Variants in ZNF560 observed in about 807,000 individuals in gnomAD.
The protein encoded by ZNF560 is zinc finger protein 560.
In ZNF560, 54 loss-of-function variants were observed where a neutral mutation model predicts 81.8. That is an observed-to-expected ratio of 0.66 (90% CI 0.53 to 0.83). The LOEUF (loss-of-function observed/expected upper bound fraction) is 0.83. Among genes scored for constraint, ZNF560 ranks in the 40% least tolerant of loss-of-function variants. The pLI is 0.00. For missense variants in ZNF560, 940 were observed against 932.4 expected, an observed-to-expected ratio of 1.01 and a Z score of -0.11; for synonymous variants, 321 against 317.9, an observed-to-expected ratio of 1.01 and a Z score of -0.10.
intron 2 of ZNF560, among the ~76,000 whole-genome samples, chr19:9,492,344 G>A (rs535692579): frequency 1.6e-4 from 24 of 152,140 alleles, no homozygotes; most frequent in Non-Finnish European, 2.8e-4. Context: ...ATAGACTCGT[G>A]TTCTGGATAT....
At chr19:9,479,179 A>T (rs2073247714) in intron 2 of ZNF560, among the ~76,000 whole-genome samples, 1 of 150,126 alleles carries the variant, frequency 6.7e-6, no homozygotes, top group African/African-American at 2.5e-5. Flanking sequence ...TTTTTTTCCA[A>T]AATGGAAAAA....
At position 9,467,956 on chromosome 19, in the gene ZNF560, G is replaced by T. The variant is rs374452540; in HGVS notation, c.991C>A (p.His331Asn). 4.3e-6 allele frequency: 7 copies of T among 1,613,980 alleles called. No individual in the cohort carries two copies. The African/African-American group carries it at 9.3e-5, about 22-fold the overall frequency. Residue 331 changes from histidine to asparagine, a missense_variant, in exon 10 of 10, where the codon CAC (histidine) becomes AAC (asparagine). Physicochemically the swap from His to Asn is moderately conservative, Grantham distance 68. Transcript: ENST00000301480. ...ACATTTACAGCATGGCTTGTGGAGT[G>T]AGTAAATGCTTCCCCACATTGCTTC... ...EWKQCGEAFTHSTSHAVNVET... is the reference protein window; with the variant it reads ...EWKQCGEAFTNSTSHAVNVET...
Position 9,470,523 on chromosome 19 carries a change from A to G in ZNF560, c.322-5T>C, listed in dbSNP as rs1484312322. On this transcript the variant is annotated splice_polypyrimidine_tract_variant and splice_region_variant and intron_variant, in intron 6 of 9. Transcript: ENST00000301480. Reference sequence around the variant, plus strand: ...ACTGTCAAAGGTTACCAGGTCCTAAACCATCAGACACATGCTGATTTGAGC... The same window carrying G: ...ACTGTCAAAGGTTACCAGGTCCTAAGCCATCAGACACATGCTGATTTGAGC... 1.2e-6 allele frequency: 2 copies of G among 1,614,148 alleles called. No individual in the cohort carries two copies. Among genetic ancestry groups the G allele is most frequent in the East Asian group, 4.5e-5 (2 of 44,872 alleles).
At chr19:9,461,293 G>T in the ZNF560 span, among the ~76,000 whole-genome samples, 9 of 152,152 alleles carry the variant, frequency 5.9e-5, no homozygotes, top group Non-Finnish European at 1.3e-4. Context: ...AAGGTAGATT[G>T]TCCTCTTGTG....
chr19:9,491,699 G>A (rs572958823), intron 2 of ZNF560, among the ~76,000 whole-genome samples: 128 of 151,280 alleles, frequency 8.5e-4, no homozygotes, highest in Non-Finnish European at 1.5e-3. Flanking sequence ...GGTGGCACGC[G>A]TCTGTAGTCC....
rs557303669 is a variant in ZNF560 at position 9,496,504 on chromosome 19, G to A, written c.-57+1624C>T. Among the ~76,000 whole-genome samples, 290 of 146,180 alleles carry A rather than the reference G, an allele frequency of 2.0e-3. 1 individual carries two copies. Among genetic ancestry groups the A allele is most frequent in the African/African-American group, 6.9e-3 (274 of 39,906 alleles). ...CTCCCAAAGTGCTGGGATTATAGGC[G>A]TGAGACACCGCACCAGGCCTGGCTT... On this transcript the variant is annotated intron_variant, in intron 2 of 9. Coordinates refer to ENST00000301480, the MANE Select transcript of ZNF560 (RefSeq NM_152476.3).
the ZNF560 span, among the ~76,000 whole-genome samples, chr19:9,504,241 C>A: frequency 1.3e-5 from 2 of 152,006 alleles, no homozygotes; most frequent in Admixed American, 6.6e-5. Flanking sequence ...TGGAGACCAG[C>A]CTTGCCAACA....
In ZNF560 at chr19:9,467,922, T is replaced by G. The variant is rs775390993; in HGVS notation, c.1025A>C (p.His342Pro). 4.3e-6 allele frequency: 7 copies of G among 1,614,092 alleles called. No homozygotes were observed. In the African/African-American group the frequency reaches 8.0e-5, roughly 18 times the overall value. ...STSHAVNVET[H>P]IIKNPYECKE... ...ACATTCATAGGGGTTTTTAATAATG[T>G]GTGTTTCAACATTTACAGCATGGCT... The change falls in exon 10 of 10, where the codon CAC becomes CCC. Residue 342 changes from histidine to proline, a missense_variant. Physicochemically the swap from His to Pro is moderately conservative, Grantham distance 77. Coordinates refer to ENST00000301480, the MANE Select transcript of ZNF560 (RefSeq NM_152476.3).
the ZNF560 span, among the ~76,000 whole-genome samples, chr19:9,505,078 T>C: frequency 3.1e-3 from 470 of 152,234 alleles, 10 homozygotes; most frequent in Middle Eastern, 0.024. Context: ...AGTGAGCCTT[T>C]GTCTCAAAAA....
upstream of ZNF560, among the ~76,000 whole-genome samples, chr19:9,501,921 G>C (rs562226654): frequency 2.1e-3 from 315 of 152,064 alleles, 2 homozygotes; most frequent in African/African-American, 7.1e-3. Flanking sequence ...GGGAGACCAA[G>C]GCAGGCGGAT....
chr19:9,455,990 C>T, the ZNF560 span, among the ~76,000 whole-genome samples: 1 of 152,142 alleles, frequency 6.6e-6, no homozygotes, highest in African/African-American at 2.4e-5. Flanking sequence ...AGGTCTATAC[C>T]TGAAGTGTAA....
At chr19:9,448,969 C>G in the ZNF560 span, among the ~76,000 whole-genome samples, 2 of 152,200 alleles carry the variant, frequency 1.3e-5, no homozygotes, top group South Asian at 4.1e-4. Context: ...TTCAATCCAA[C>G]AAGATGACTT....
the ZNF560 span, among the ~76,000 whole-genome samples, chr19:9,457,517 GTGTTA>G: frequency 6.6e-6 from 1 of 152,196 alleles, no homozygotes; most frequent in African/African-American, 2.4e-5. Flanking sequence ...GATTTTCACA[GTGTTA>G]CATTATTCAT....
At chr19:9,458,117 G>A in the ZNF560 span, among the ~76,000 whole-genome samples, 5 of 152,064 alleles carry the variant, frequency 3.3e-5, no homozygotes, top group South Asian at 2.1e-4. Context: ...GGGAGAACTC[G>A]GATTGTTAAA....
At chr19:9,480,373 G>A (rs539153911) in intron 2 of ZNF560, among the ~76,000 whole-genome samples, 30 of 145,828 alleles carry the variant, frequency 2.1e-4, no homozygotes, top group Admixed American at 1.2e-3. Context: ...TGGAAATGAA[G>A]TAACACACAC....
chr19:9,469,564 T>C, intron 8 of ZNF560, 66 bp downstream of exon 8: 2 of 1,457,524 alleles, frequency 1.4e-6, no homozygotes, highest in Non-Finnish European at 1.9e-6. Context: ...CTTATAAAAC[T>C]TCATTGTGCT....
At chr19:9,464,999 T>G (rs1053457225), downstream of ZNF560, among the ~76,000 whole-genome samples, 12 of 152,174 alleles carry the variant, frequency 7.9e-5, no homozygotes, top group African/African-American at 2.4e-4. Context: ...TTTTCTCCAC[T>G]ATAAAATTAC....
chr19:9,460,003 G>A, the ZNF560 span, among the ~76,000 whole-genome samples: 3 of 152,076 alleles, frequency 2.0e-5, no homozygotes, highest in Admixed American at 6.5e-5. Context: ...GTGGAACAAC[G>A]GGTTTGGTGG....
chr19:9,481,962 GAC>G (rs1354309226), intron 2 of ZNF560, among the ~76,000 whole-genome samples: 1 of 152,190 alleles, frequency 6.6e-6, no homozygotes, highest in Non-Finnish European at 1.5e-5. Context: ...CTACTATAAA[GAC>G]ACATGCACAT....
Sources: allele counts gnomAD v4.1 joint callset (sites outside exome capture counted in the v4.1 genomes callset), GRCh38; gene constraint gnomAD v4.1.1; transcripts MANE v1.5; gene names NCBI Gene and HGNC (gene_info 2026-07-23, HGNC 2026-07-21).